The following NYAP2 variants were observed in gnomAD, a reference collection of about 807,000 sequenced individuals.
NYAP2 encodes the protein neuronal tyrosine-phosphorylated phosphoinositide-3-kinase adaptor 2.
Under a neutral mutation model 50.4 loss-of-function variants are expected in NYAP2, and 23 were observed. The ratio of observed to expected loss-of-function variants is 0.46; its 90% CI spans 0.33 to 0.65. The LOEUF (loss-of-function observed/expected upper bound fraction) is 0.65, where lower values mean the gene tolerates loss of function less well. NYAP2 is among the 30% of genes least tolerant of loss of function. NYAP2 has a pLI of 0.02. For missense variants in NYAP2, 885 were observed against 861.0 expected (o/e 1.03, Z -0.35); for synonymous variants, 394 against 365.2 (o/e 1.08, Z -0.90).
At chr2:225,502,155 T>C (rs1307661383) in intron 3 of NYAP2, among the ~76,000 whole-genome samples, 1 of 152,208 alleles carries the variant, frequency 6.6e-6, no homozygotes, top group Non-Finnish European at 1.5e-5. Flanking sequence ...TTTAGAAGGA[T>C]AAATCTGGCA....
At chr2:225,420,567 T>G (rs1403781622) in intron 3 of NYAP2, among the ~76,000 whole-genome samples, 3 of 151,862 alleles carry the variant, frequency 2.0e-5, no homozygotes, top group Non-Finnish European at 2.9e-5. Context: ...TAGCTGCTTT[T>G]TGCACAGGGA....
chr2:225,438,788 T>C (rs1255643926), intron 3 of NYAP2, among the ~76,000 whole-genome samples: 1 of 152,228 alleles, frequency 6.6e-6, no homozygotes, highest in African/African-American at 2.4e-5. Context: ...ATTACACACG[T>C]CATACACCTA....
chr2:225,449,520 T>C (rs1689614292), intron 3 of NYAP2, among the ~76,000 whole-genome samples: 1 of 152,134 alleles, frequency 6.6e-6, no homozygotes, highest in Non-Finnish European at 1.5e-5. Context: ...GGATTGATTC[T>C]TTTCAAACTA....
At chr2:225,676,216 T>C in the NYAP2 span, among the ~76,000 whole-genome samples, 2 of 152,122 alleles carry the variant, frequency 1.3e-5, no homozygotes, top group African/African-American at 4.8e-5. Context: ...TAGCCATAAA[T>C]TCTTTCACAA....
chr2:225,499,339 G>C (rs1437835467), intron 3 of NYAP2, among the ~76,000 whole-genome samples: 1 of 150,814 alleles, frequency 6.6e-6, no homozygotes, highest in African/African-American at 2.4e-5. Context: ...TTTTTTGACG[G>C]AGTCTTGCTC....
At chr2:225,487,788 G>A (rs1024996691) in intron 3 of NYAP2, among the ~76,000 whole-genome samples, 5 of 152,134 alleles carry the variant, frequency 3.3e-5, no homozygotes, top group African/African-American at 4.8e-5. Context: ...ATATATTTTA[G>A]CAGTCACTAT....
the NYAP2 span, among the ~76,000 whole-genome samples, chr2:225,665,807 TAAAAA>T: frequency 3.0e-3 from 62 of 20,996 alleles, 2 homozygotes; most frequent in African/African-American, 5.7e-3. Flanking sequence ...AGCCTCCGTC[TAAAAA>T]AAAAAAAAAA....
At chr2:225,542,655 T>C (rs372878848) in intron 4 of NYAP2, among the ~76,000 whole-genome samples, 8 of 152,326 alleles carry the variant, frequency 5.3e-5, no homozygotes, top group African/African-American at 1.9e-4. Flanking sequence ...TTTAATGTGT[T>C]GTTCAATTCA....
chr2:225,661,739 T>TTC, the NYAP2 span, among the ~76,000 whole-genome samples: 1 of 151,608 alleles, frequency 6.6e-6, no homozygotes, highest in South Asian at 2.1e-4. Flanking sequence ...TTTTTTTTTT[T>TTC]CTGAGGCGGA....
At chr2:225,629,454 G>T (rs73090864) in intron 6 of NYAP2, among the ~76,000 whole-genome samples, 1 of 152,140 alleles carries the variant, frequency 6.6e-6, no homozygotes, top group Non-Finnish European at 1.5e-5. Context: ...CAGTCAAGTT[G>T]ACACATAAAA....
At chr2:225,547,074 G>T (rs1269441941) in intron 4 of NYAP2, among the ~76,000 whole-genome samples, 1 of 152,056 alleles carries the variant, frequency 6.6e-6, no homozygotes, top group Non-Finnish European at 1.5e-5. Flanking sequence ...CTAGAAAAAA[G>T]TCCTCTTTAC....
intron 3 of NYAP2, among the ~76,000 whole-genome samples, chr2:225,431,555 C>T (rs1446908880): frequency 6.6e-6 from 1 of 152,156 alleles, no homozygotes; most frequent in African/African-American, 2.4e-5. Context: ...GTCAATCAGA[C>T]TGATGCAATT....
chr2:225,587,152 C>T (rs1025356688), intron 5 of NYAP2, among the ~76,000 whole-genome samples: 3 of 152,112 alleles, frequency 2.0e-5, no homozygotes, highest in East Asian at 1.9e-4. Flanking sequence ...TCCCTTAACA[C>T]GTGTGGATTA....
chr2:225,493,209 A>G (rs1690439589), intron 3 of NYAP2, among the ~76,000 whole-genome samples: 2 of 151,818 alleles, frequency 1.3e-5, no homozygotes, highest in Non-Finnish European at 2.9e-5. Context: ...CTGGTCTCAA[A>G]CTCCTAAGCT....
chr2:225,582,970 T>C lies in NYAP2; in HGVS notation c.1553T>C (p.Phe518Ser). Reference sequence around the variant, plus strand: ...CCGCTGGAGGAGCTGACCAGCCTCTTCTCCTCCGGCCGCAGCCTGCTGCGC... The same window carrying C: ...CCGCTGGAGGAGCTGACCAGCCTCTCCTCCTCCGGCCGCAGCCTGCTGCGC... Residue 518 changes from phenylalanine to serine, a missense_variant, in exon 5 of 7, where the codon TTC becomes TCC. Phe to Ser is a radical substitution (Grantham distance 155). Coordinates refer to ENST00000636099, the Ensembl canonical transcript of NYAP2. This position sits in a 1 kb window ranked among gnomAD's most constrained non-coding sequence, Gnocchi z 7.0. 1 of 1,612,418 alleles carries C rather than the reference T, an allele frequency of 6.2e-7. No individual in the cohort carries two copies. The highest frequency in any genetic ancestry group is 8.5e-7 in the Non-Finnish European group (1 of 1,179,678).
At chr2:225,616,761 T>C (rs10166417) in intron 5 of NYAP2, among the ~76,000 whole-genome samples, 94,489 of 151,932 alleles carry the variant, frequency 0.62, 30,068 homozygotes, top group South Asian at 0.8. Flanking sequence ...CAAACACACA[T>C]CTTACCTTGA....
chr2:225,661,543 T>C, the NYAP2 span, among the ~76,000 whole-genome samples: 1 of 152,220 alleles, frequency 6.6e-6, no homozygotes, highest in African/African-American at 2.4e-5. Context: ...AAGTAGGTAA[T>C]ATTATACCCG....
intron 5 of NYAP2, among the ~76,000 whole-genome samples, chr2:225,610,684 G>A (rs1662486516): frequency 6.6e-6 from 1 of 152,118 alleles, no homozygotes; most frequent in African/African-American, 2.4e-5. Flanking sequence ...CCAGCAACAG[G>A]CTATCAGTAG....
At chr2:225,433,709 C>G (rs1371673167) in intron 3 of NYAP2, among the ~76,000 whole-genome samples, 1 of 146,726 alleles carries the variant, frequency 6.8e-6, no homozygotes, top group African/African-American at 2.5e-5. Context: ...CCCAGCTACT[C>G]AGGAGGCTGA....
Sources: gnomAD v4.1 joint callset for allele counts (sites outside exome capture counted in the v4.1 genomes callset) on GRCh38, gnomAD v4.1.1 for gene constraint, Gnocchi (gnomAD v3.1) non-coding constraint, MANE v1.5 for transcripts, NCBI Gene and HGNC (gene_info 2026-07-23, HGNC 2026-07-21) for gene names.